Variants in RIMBP2 observed in about 807,000 individuals in gnomAD.
RIMBP2 encodes the protein RIMS-binding protein 2.
RIMBP2 carries 48 observed loss-of-function variants against 118.6 expected under a neutral mutation model. The observed-to-expected ratio is 0.40, with a 90% CI of 0.32 to 0.51. The LOEUF (loss-of-function observed/expected upper bound fraction) is 0.51. Ranked by LOEUF, RIMBP2 falls within the 20% of genes least tolerant of loss-of-function variation. The probability of loss-of-function intolerance (pLI) is 0.41; values close to 1 mark genes in which losing one functional copy is unlikely to be tolerated. For synonymous variants in RIMBP2, 762 were observed against 742.9 expected, an observed-to-expected ratio of 1.03 and a Z score of -0.42; for missense variants, 1,551 against 1,768.3, an observed-to-expected ratio of 0.88 and a Z score of 2.20.
At chr12:130,486,277 G>A (rs536322864) in intron 4 of RIMBP2, among the ~76,000 whole-genome samples, 1 of 152,214 alleles carries the variant, frequency 6.6e-6, no homozygotes, top group Non-Finnish European at 1.5e-5. Context: ...TCCTGGACAT[G>A]CCCTGGACTC....
chr12:130,494,625 T>G, intron 4 of RIMBP2, among the ~76,000 whole-genome samples: 1 of 133,976 alleles, frequency 7.5e-6, no homozygotes, highest in Non-Finnish European at 1.6e-5. Context: ...GGCAACAGAG[T>G]GAAACCCTGT....
chr12:130,488,597 T>C (rs1174936006), intron 4 of RIMBP2, among the ~76,000 whole-genome samples: 1 of 152,254 alleles, frequency 6.6e-6, no homozygotes, highest in African/African-American at 2.4e-5. Flanking sequence ...CCAGTGTGCA[T>C]GTCTCTGTTG....
At chr12:130,455,412 T>C (rs533606303) in intron 7 of RIMBP2, among the ~76,000 whole-genome samples, 41 of 152,226 alleles carry the variant, frequency 2.7e-4, no homozygotes, top group Non-Finnish European at 4.8e-4. Context: ...TGTCTGTCTC[T>C]CAGCGTTGCA....
Position 130,421,115 on chromosome 12 carries a change from G to A in RIMBP2, c.3238+1338C>T, listed in dbSNP as rs138214457. ...TTCTCAAGGCAGGACATCTCGGACA[G>A]GTCATTTAACATGAAAGCCAGGAGA... On this transcript the variant is annotated intron_variant, in intron 17 of 22. Transcript: ENST00000690449. 470 of 152,254 alleles carry A rather than the reference G, an allele frequency of 3.1e-3. 2 individuals carry two copies. The highest frequency in any genetic ancestry group is 0.011 in the African/African-American group (451 of 41,534). 9.4% of individuals were successfully genotyped at this position (152,254 alleles called of 1,614,324 possible).
intron 2 of RIMBP2, among the ~76,000 whole-genome samples, chr12:130,565,288 G>A (rs1468811014): frequency 6.6e-6 from 1 of 152,140 alleles, no homozygotes; most frequent in Non-Finnish European, 1.5e-5. Context: ...GGAGAAATTG[G>A]AACTCAACCC....
chr12:130,399,636 C>T (rs1376526720), intron 22 of RIMBP2, 43 bp downstream of exon 22: 2 of 1,607,510 alleles, frequency 1.2e-6, no homozygotes, highest in Admixed American at 3.3e-5. Context: ...CCACATATGG[C>T]AGAACGGGAC....
intron 1 of RIMBP2, chr12:130,667,685 T>C (rs1448616744): frequency 2.0e-5 from 3 of 152,198 alleles, no homozygotes; most frequent in African/African-American, 7.2e-5. Context: ...GATTAGAGGT[T>C]TGGGGCTTGG....
At position 130,431,556 on chromosome 12, in the gene RIMBP2, T is replaced by C. The variant is rs2077154195; in HGVS notation, c.2253+3178A>G. On this transcript the variant is annotated intron_variant, in intron 14 of 22. Transcript: ENST00000690449. This position sits in a 1 kb window ranked among gnomAD's most constrained non-coding sequence, Gnocchi z 4.0. The stretch of plus-strand genomic sequence containing the variant: ...AATAAGTATCACTTATTTTATGTTA[T>C]ATTATTATATTATTAACAATATATA... 2.4e-5 allele frequency: 5 copies of C among 204,708 alleles called. No homozygotes were observed. The South Asian group carries it at 3.2e-4, about 13-fold the overall frequency. The allele number at this position is 204,708 out of a possible 1,614,324, so 12.7% of individuals were successfully genotyped here. A position where few individuals can be genotyped will look rare whatever the true frequency, so the allele number is the denominator to read the frequency against.
chr12:130,563,013 C>G (rs549978525), intron 2 of RIMBP2, among the ~76,000 whole-genome samples: 1 of 152,208 alleles, frequency 6.6e-6, no homozygotes, highest in Non-Finnish European at 1.5e-5. Context: ...TTTGACTTTA[C>G]TGATCTCATC....
chr12:130,664,421 G>GTGCACGCA (rs1479917367), intron 1 of RIMBP2, among the ~76,000 whole-genome samples: 4 of 80,860 alleles, frequency 4.9e-5, no homozygotes, highest in Admixed American at 1.1e-4. Flanking sequence ...GCACACACAC[G>GTGCACGCA]CACACACATG....
At chr12:130,550,464 G>A (rs114117581) in intron 2 of RIMBP2, among the ~76,000 whole-genome samples, 292 of 152,304 alleles carry the variant, frequency 1.9e-3, no homozygotes, top group African/African-American at 4.4e-3. Flanking sequence ...TCTGAAGGGC[G>A]TCTGTACTTT....
At chr12:130,601,284 A>C (rs1347229890) in intron 2 of RIMBP2, among the ~76,000 whole-genome samples, 2 of 149,378 alleles carry the variant, frequency 1.3e-5, no homozygotes, top group East Asian at 4.0e-4. Flanking sequence ...TCAACTGCCT[A>C]AAAGCCACGG....
intron 1 of RIMBP2, among the ~76,000 whole-genome samples, chr12:130,663,634 C>T (rs1330124043): frequency 2.0e-5 from 3 of 151,754 alleles, no homozygotes; most frequent in Non-Finnish European, 4.4e-5. Context: ...CACTGAGATA[C>T]TCTCAAACTG....
intron 1 of RIMBP2, among the ~76,000 whole-genome samples, chr12:130,686,952 G>C (rs1042382959): frequency 6.6e-6 from 1 of 152,232 alleles, no homozygotes; most frequent in African/African-American, 2.4e-5. Flanking sequence ...TATACCTCGC[G>C]CTCGCTGGGA....
chr12:130,493,084 C>G lies in RIMBP2; in HGVS notation c.-4+13564G>C, dbSNP rs866075509. Among the ~76,000 whole-genome samples, 3 of 152,152 alleles carry G rather than the reference C, an allele frequency of 2.0e-5. No individual in the cohort carries two copies. The South Asian group carries it at 6.2e-4, about 32-fold the overall frequency. On this transcript the variant is annotated intron_variant, in intron 4 of 22. Coordinates refer to ENST00000690449, the MANE Select transcript of RIMBP2 (RefSeq NM_001393629.1). ...CGCAGGAGGCGGAGGCTGCAGTGAGCCTAGATAACGCACTGCACTCCAGCC... is the reference window on the plus strand; with the variant it reads ...CGCAGGAGGCGGAGGCTGCAGTGAGGCTAGATAACGCACTGCACTCCAGCC...
chr12:130,602,437 C>A (rs193029362), intron 2 of RIMBP2, among the ~76,000 whole-genome samples: 1 of 152,174 alleles, frequency 6.6e-6, no homozygotes. Context: ...CAATGCCCTC[C>A]GCCCATTTGG....
At chr12:130,615,276 C>CATACATATATATATATATATATATATAT (rs1455080257) in intron 2 of RIMBP2, among the ~76,000 whole-genome samples, 6 of 100,264 alleles carry the variant, frequency 6.0e-5, no homozygotes, top group African/African-American at 1.2e-4. Flanking sequence ...AATACACATA[C>CATACATATATATATATATATATATATAT]ATATATATAT....
At chr12:130,634,653 G>A (rs59344421) in intron 1 of RIMBP2, among the ~76,000 whole-genome samples, 4,107 of 151,824 alleles carry the variant, frequency 0.027, 184 homozygotes, top group African/African-American at 0.095. Flanking sequence ...GTGCAGTGGC[G>A]TGATCTCAGC....
intron 1 of RIMBP2, among the ~76,000 whole-genome samples, chr12:130,714,320 T>C (rs1950175549): frequency 6.6e-6 from 1 of 152,144 alleles, no homozygotes; most frequent in Non-Finnish European, 1.5e-5. Context: ...GGCCAGGAGC[T>C]CTCAGCCCGG....
Sources: allele counts gnomAD v4.1 joint callset (sites outside exome capture counted in the v4.1 genomes callset), GRCh38; gene constraint gnomAD v4.1.1; non-coding constraint Gnocchi (gnomAD v3.1); transcripts MANE v1.5; gene names NCBI Gene and HGNC (gene_info 2026-07-23, HGNC 2026-07-21).